Variants in ARL15 observed in about 807,000 individuals in gnomAD.
ARL15 encodes the protein ARF like GTPase 15, also known as ADP-ribosylation factor-like protein 15.
In ARL15, 19 loss-of-function variants were observed where a neutral mutation model predicts 25.2. That is an observed-to-expected ratio of 0.75 (90% CI 0.53 to 1.10). The LOEUF is 1.10. Ranked by LOEUF, ARL15 falls within the 50% of genes least tolerant of loss-of-function variation. The pLI, the probability that ARL15 is intolerant of heterozygous loss-of-function variation, is 0.00. For synonymous variants in ARL15, 94 were observed against 86.8 expected, an observed-to-expected ratio of 1.08 and a Z score of -0.46; for missense variants, 220 against 246.0, an observed-to-expected ratio of 0.89 and a Z score of 0.71.
intron 1 of ARL15, among the ~76,000 whole-genome samples, chr5:54,257,600 A>G (rs748596708): frequency 1.9e-4 from 29 of 152,272 alleles, no homozygotes; most frequent in Non-Finnish European, 3.1e-4. Flanking sequence ...CAATTTCAAC[A>G]TAAATAAGCA....
intron 1 of ARL15, 119 bp downstream of exon 1, chr5:54,310,313 A>G: frequency 8.6e-7 from 1 of 1,165,730 alleles, no homozygotes; most frequent in Non-Finnish European, 1.2e-6. Context: ...TGCGGGAGAA[A>G]GAACCCCAGA....
chr5:54,131,902 CAAA>C (rs1389160017), intron 3 of ARL15, among the ~76,000 whole-genome samples: 2 of 109,082 alleles, frequency 1.8e-5, no homozygotes. Flanking sequence ...GACTCCGTCT[CAAA>C]AAAAAAAAAA....
chr5:54,110,058 T>C (rs939045450), intron 4 of ARL15, among the ~76,000 whole-genome samples: 4 of 151,992 alleles, frequency 2.6e-5, no homozygotes, highest in Non-Finnish European at 5.9e-5. Context: ...AGAAAAAATA[T>C]GTAATGTACA....
At chr5:53,989,464 G>C (rs970726621) in intron 4 of ARL15, among the ~76,000 whole-genome samples, 3 of 152,136 alleles carry the variant, frequency 2.0e-5, no homozygotes, top group Non-Finnish European at 4.4e-5. Context: ...TAAAATGTGA[G>C]TCAATAATCA....
At chr5:54,032,664 G>A (rs1366774095) in intron 4 of ARL15, among the ~76,000 whole-genome samples, 1 of 152,044 alleles carries the variant, frequency 6.6e-6, no homozygotes, top group East Asian at 1.9e-4. Context: ...TATAGGGTAA[G>A]AGAAGAGACT....
chr5:54,216,048 T>C (rs2112519106), intron 1 of ARL15, among the ~76,000 whole-genome samples: 1 of 152,296 alleles, frequency 6.6e-6, no homozygotes, highest in Non-Finnish European at 1.5e-5. Flanking sequence ...GCCAATTTTT[T>C]TTGTCCACCC....
intron 3 of ARL15, among the ~76,000 whole-genome samples, chr5:54,142,324 A>G (rs1471072919): frequency 1.3e-5 from 2 of 152,078 alleles, no homozygotes; most frequent in Admixed American, 1.3e-4. Flanking sequence ...GGGAATTTGG[A>G]TTATAGGAGA....
intron 4 of ARL15, among the ~76,000 whole-genome samples, chr5:53,901,493 G>T (rs1745062240): frequency 6.6e-6 from 1 of 152,116 alleles, no homozygotes; most frequent in African/African-American, 2.4e-5. Flanking sequence ...CAATTAGCTT[G>T]TCTGAAACAC....
chr5:53,985,436 A>T (rs1284145116), intron 4 of ARL15, among the ~76,000 whole-genome samples: 2 of 151,668 alleles, frequency 1.3e-5, no homozygotes, highest in African/African-American at 4.8e-5. Flanking sequence ...TAAAACTGAA[A>T]CTCTTATGCA....
chr5:54,071,979 G>GAAAAAA (rs71989027), intron 4 of ARL15, among the ~76,000 whole-genome samples: 11 of 126,164 alleles, frequency 8.7e-5, no homozygotes, highest in South Asian at 2.5e-4. Flanking sequence ...CTCAAAAAAA[G>GAAAAAA]AAAAAAAAAA....
At chr5:54,169,333 T>C (rs1297363903) in intron 2 of ARL15, among the ~76,000 whole-genome samples, 1 of 152,204 alleles carries the variant, frequency 6.6e-6, no homozygotes, top group Non-Finnish European at 1.5e-5. Context: ...TATAACTTCA[T>C]TGCACATTAC....
chr5:53,979,183 T>C (rs1356571316), intron 4 of ARL15, among the ~76,000 whole-genome samples: 1 of 152,160 alleles, frequency 6.6e-6, no homozygotes, highest in Non-Finnish European at 1.5e-5. Context: ...TACGTTACAA[T>C]ACCTACCATC....
intron 4 of ARL15, among the ~76,000 whole-genome samples, chr5:53,897,127 C>T (rs1049036885): frequency 4.6e-5 from 7 of 152,180 alleles, no homozygotes; most frequent in Non-Finnish European, 7.3e-5. Context: ...CCTTTGAAAG[C>T]ATACGATTCA....
chr5:53,902,185 CT>C (rs1280043594), intron 4 of ARL15, among the ~76,000 whole-genome samples: 5 of 152,210 alleles, frequency 3.3e-5, no homozygotes, highest in Admixed American at 1.3e-4. Context: ...TCACATTCAA[CT>C]TTTTCTGTTA....
At position 54,198,304 on chromosome 5, in the gene ARL15, G is replaced by C. The variant is rs1484400709; in HGVS notation, c.49-26376C>G. ...TTGGAAGTTCTGGCCGGGGCAATCA[G>C]GCAGGAGAAGGAAATAAAGGGTATT... On this transcript the variant is annotated intron_variant, in intron 1 of 4. Coordinates refer to ENST00000504924, the MANE Select transcript of ARL15 (RefSeq NM_019087.3). Among the ~76,000 whole-genome samples, 1,219 of 152,158 alleles carry C rather than the reference G, an allele frequency of 8.0e-3. 6 individuals are homozygous for C. Among genetic ancestry groups the C allele is most frequent in the African/African-American group, 0.028 (1,152 of 41,444 alleles).
intron 1 of ARL15, among the ~76,000 whole-genome samples, chr5:54,252,757 C>T (rs1757266768): frequency 1.3e-5 from 2 of 152,214 alleles, no homozygotes; most frequent in Non-Finnish European, 1.5e-5. Context: ...CAAGGTCTCA[C>T]TCTATCACCC....
chr5:54,021,497 T>C (rs1041525457), intron 4 of ARL15, among the ~76,000 whole-genome samples: 2 of 152,140 alleles, frequency 1.3e-5, no homozygotes, highest in Admixed American at 1.3e-4. Context: ...AGCTCAGTGA[T>C]GGACTCAATA....
chr5:53,961,598 G>C (rs973621010), intron 4 of ARL15, among the ~76,000 whole-genome samples: 3 of 151,070 alleles, frequency 2.0e-5, no homozygotes, highest in African/African-American at 7.3e-5. Context: ...AAAGAAAGAA[G>C]CTGTACCTAA....
At chr5:54,196,116 C>T (rs536690558) in intron 1 of ARL15, among the ~76,000 whole-genome samples, 1 of 152,204 alleles carries the variant, frequency 6.6e-6, no homozygotes, top group African/African-American at 2.4e-5. Context: ...CATTTGGTGG[C>T]TAAATACATG....
Sources: allele counts gnomAD v4.1 joint callset (sites outside exome capture counted in the v4.1 genomes callset), GRCh38; gene constraint gnomAD v4.1.1; transcripts MANE v1.5; gene names NCBI Gene and HGNC (gene_info 2026-07-23, HGNC 2026-07-21).